The following CACNG5 variants were observed in gnomAD, a reference collection of about 807,000 sequenced individuals.
CACNG5 encodes the protein calcium voltage-gated channel auxiliary subunit gamma 5.
Under a neutral mutation model 24.8 loss-of-function variants are expected in CACNG5, and 18 were observed. The observed-to-expected ratio is 0.73, with a 90% CI of 0.50 to 1.08. CACNG5 has a LOEUF of 1.08. Ranked by LOEUF, CACNG5 falls within the 50% of genes least tolerant of loss-of-function variation. The probability of loss-of-function intolerance (pLI) is 0.00; values close to 1 mark genes in which losing one functional copy is unlikely to be tolerated. For missense variants in CACNG5, 349 were observed against 367.9 expected, an observed-to-expected ratio of 0.95 and a Z score of 0.42; for synonymous variants, 157 against 149.1, an observed-to-expected ratio of 1.05 and a Z score of -0.39.
At position 66,889,884 on chromosome 17, in the gene CACNG5, C is replaced by T. The variant is rs1293342626; in HGVS notation, c.*4644C>T. Among the ~76,000 whole-genome samples, 1 of 152,220 alleles carries T rather than the reference C, an allele frequency of 6.6e-6. No homozygotes were observed. Among genetic ancestry groups the T allele is most frequent in the African/African-American group, 2.4e-5 (1 of 41,462 alleles). ...TTTGGGCAGCACCATGGCCCAGCCA[C>T]ACTGACATGTAAAACTAACCATTGT... On this transcript the variant is annotated 3_prime_UTR_variant, in exon 6 of 6. Transcript: ENST00000533854.
intron 1 of CACNG5, among the ~76,000 whole-genome samples, chr17:66,865,947 G>A (rs1472916881): frequency 6.6e-6 from 1 of 151,962 alleles, no homozygotes; most frequent in Non-Finnish European, 1.5e-5. Context: ...GGCCAAGTCT[G>A]ACAAAATTTC....
chr17:66,860,273 C>T (rs760446848), intron 1 of CACNG5, among the ~76,000 whole-genome samples: 18 of 152,140 alleles, frequency 1.2e-4, no homozygotes, highest in Non-Finnish European at 2.2e-4. Context: ...ATTCTGTGTC[C>T]CAACCTCCTT....
Position 66,880,657 on chromosome 17 carries a change from G to A in CACNG5, c.384G>A (p.Thr128=), listed in dbSNP as rs777938474. 20 of 1,614,126 alleles carry A rather than the reference G, an allele frequency of 1.2e-5. No homozygotes were observed. Among genetic ancestry groups the A allele is most frequent in the South Asian group, 9.9e-5 (9 of 91,086 alleles). The change falls in exon 4 of 6, where the codon ACG becomes ACA. Residue 128 remains threonine (T), a synonymous_variant. Transcript: ENST00000533854. ...TCGGACACATCCGTCCCCACCGGAC[G>A]ATACTGGCCTTTGTCTCTGGCATCT... ...NNIGHIRPHR[T]ILAFVSGIFF... is the part of the protein sequence containing the mutation.
chr17:66,852,052 C>T (rs938407220), intron 1 of CACNG5, among the ~76,000 whole-genome samples: 5 of 152,176 alleles, frequency 3.3e-5, no homozygotes, highest in Non-Finnish European at 7.3e-5. Context: ...ACCATCTAAT[C>T]GGCTGGGGCC....
chr17:66,864,253 G>T (rs936954953), intron 1 of CACNG5, among the ~76,000 whole-genome samples: 3 of 152,194 alleles, frequency 2.0e-5, no homozygotes, highest in Admixed American at 2.0e-4. Flanking sequence ...TAGAGTAGGA[G>T]CCTTCCCAGA....
intron 1 of CACNG5, among the ~76,000 whole-genome samples, chr17:66,849,532 G>C (rs1003699154): frequency 6.6e-6 from 1 of 152,224 alleles, no homozygotes; most frequent in Admixed American, 6.5e-5. Flanking sequence ...GCCTTGGGCT[G>C]TGTTCTGGGA....
At position 66,892,018 on chromosome 17, in the gene CACNG5, C is replaced by T. The variant is rs1218226687; in HGVS notation, c.*6778C>T. 1.3e-5 allele frequency among the ~76,000 whole-genome samples: 2 copies of T among 152,196 alleles called. No homozygotes were observed. Among genetic ancestry groups the T allele is most frequent in the African/African-American group, 4.8e-5 (2 of 41,442 alleles). ...CTAATGTGAAACCAGGGTTGAGAAC[C>T]ACTGGCTTAGACCTACTGGGATTTA... On this transcript the variant is annotated 3_prime_UTR_variant, in exon 6 of 6. Transcript: ENST00000533854.
intron 1 of CACNG5, among the ~76,000 whole-genome samples, chr17:66,837,382 G>A (rs1006749868): frequency 2.0e-5 from 3 of 152,230 alleles, no homozygotes; most frequent in Admixed American, 2.0e-4. Flanking sequence ...TCTGCAGGGA[G>A]CTGGCACTTC....
At chr17:66,866,410 G>C (rs1013619725) in intron 1 of CACNG5, among the ~76,000 whole-genome samples, 2 of 152,060 alleles carry the variant, frequency 1.3e-5, no homozygotes, top group Non-Finnish European at 2.9e-5. Context: ...ACTGGGATTA[G>C]AGCACTCCAC....
chr17:66,840,317 G>T (rs917424717), intron 1 of CACNG5, among the ~76,000 whole-genome samples: 1 of 152,170 alleles, frequency 6.6e-6, no homozygotes, highest in Non-Finnish European at 1.5e-5. Flanking sequence ...GGAGGTCAGG[G>T]GAAGTTAAGC....
At chr17:66,847,021 AG>A (rs1438729487) in intron 1 of CACNG5, among the ~76,000 whole-genome samples, 2 of 152,256 alleles carry the variant, frequency 1.3e-5, no homozygotes, top group Non-Finnish European at 2.9e-5. Flanking sequence ...ACTTGTCAAA[AG>A]CTACACACCT....
intron 3 of CACNG5, among the ~76,000 whole-genome samples, chr17:66,879,856 C>G (rs1379712049): frequency 6.6e-6 from 1 of 152,162 alleles, no homozygotes; most frequent in African/African-American, 2.4e-5. Context: ...AACTCACCCT[C>G]TAGCCCCTTA....
rs1303991554 is a variant in CACNG5, at chr17:66,888,545, A to G, written c.*3305A>G. 1.6e-5 allele frequency among the ~76,000 whole-genome samples: 1 copy of G among 61,436 alleles called. No homozygotes were observed. Among genetic ancestry groups the G allele is most frequent in the Non-Finnish European group, 3.1e-5 (1 of 32,362 alleles). The allele number at this position is 61,436 out of a possible 152,430, so 40.3% of individuals were successfully genotyped here. A position where few individuals can be genotyped will look rare whatever the true frequency, so the allele number is the denominator to read the frequency against. On this transcript the variant is annotated 3_prime_UTR_variant, in exon 6 of 6. Coordinates refer to ENST00000533854, the MANE Select transcript of CACNG5 (RefSeq NM_145811.3). ...GGTGACAGAGCGAGACTCCGTCTCA[A>G]AAAAAAAAAAAAAAAAAAAAAGAGT...
intron 4 of CACNG5, among the ~76,000 whole-genome samples, chr17:66,881,004 T>A (rs1478115377): frequency 1.3e-5 from 2 of 152,180 alleles, no homozygotes; most frequent in Non-Finnish European, 2.9e-5. Context: ...CTCCCAAAGT[T>A]CTGGGATTAC....
chr17:66,842,725 C>T (rs552519867), intron 1 of CACNG5, among the ~76,000 whole-genome samples: 1 of 152,354 alleles, frequency 6.6e-6, no homozygotes, highest in Admixed American at 6.5e-5. Flanking sequence ...GAGCCCCAGG[C>T]AGCCTGATGG....
At chr17:66,871,312 G>T (rs1977003983) in intron 1 of CACNG5, among the ~76,000 whole-genome samples, 2 of 152,170 alleles carry the variant, frequency 1.3e-5, no homozygotes, top group South Asian at 4.1e-4. Context: ...CCTACACCAT[G>T]AACCTTTTAT....
intron 1 of CACNG5, among the ~76,000 whole-genome samples, chr17:66,868,721 T>C (rs1047585484): frequency 1.3e-5 from 2 of 152,204 alleles, no homozygotes; most frequent in Non-Finnish European, 2.9e-5. Flanking sequence ...GACGTGTCCT[T>C]AGTACGCACT....
intron 1 of CACNG5, among the ~76,000 whole-genome samples, chr17:66,862,373 A>G (rs1976874567): frequency 1.0e-5 from 1 of 95,336 alleles, no homozygotes. Context: ...TGTGTCACTT[A>G]CAAGTGTCAC....
chr17:66,890,392 G>A lies in CACNG5; in HGVS notation c.*5152G>A, dbSNP rs189461042. 5.5e-4 allele frequency among the ~76,000 whole-genome samples: 84 copies of A among 152,342 alleles called. No homozygotes were observed. The highest frequency in any genetic ancestry group is 1.9e-3 in the African/African-American group (78 of 41,588). ...ATGAGTGAATAGGAACTGGGCAGGTGCCCCTCTAGCATCCACGTCTCCCAG... is the reference window on the plus strand; with the variant it reads ...ATGAGTGAATAGGAACTGGGCAGGTACCCCTCTAGCATCCACGTCTCCCAG... On this transcript the variant is annotated 3_prime_UTR_variant, in exon 6 of 6. Coordinates refer to ENST00000533854, the MANE Select transcript of CACNG5 (RefSeq NM_145811.3).
Sources: gnomAD v4.1 joint callset for allele counts (sites outside exome capture counted in the v4.1 genomes callset) on GRCh38, gnomAD v4.1.1 for gene constraint, MANE v1.5 for transcripts, NCBI Gene and HGNC (gene_info 2026-07-23, HGNC 2026-07-21) for gene names.